The following MOBP variants were observed in gnomAD, a reference collection of about 807,000 sequenced individuals.
The protein encoded by MOBP is myelin-associated oligodendrocyte basic protein.
A neutral mutation model predicts 15.0 loss-of-function variants in MOBP; 5 were observed. That is an observed-to-expected ratio of 0.33 (90% confidence interval 0.17 to 0.70). The LOEUF (loss-of-function observed/expected upper bound fraction) is 0.70, where lower values mean the gene tolerates loss of function less well. MOBP is among the 30% of genes least tolerant of loss of function. MOBP has a pLI of 0.67. For synonymous variants in MOBP, 88 were observed against 99.0 expected (o/e 0.89, Z 0.66); for missense variants, 188 against 257.8 (o/e 0.73, Z 1.85).
intron 2 of MOBP, among the ~76,000 whole-genome samples, chr3:39,493,366 T>A (rs1356875433): frequency 2.0e-5 from 3 of 152,192 alleles, no homozygotes; most frequent in Admixed American, 2.0e-4. Flanking sequence ...TAGAAAAAGA[T>A]ATATTGTGTT....
chr3:39,478,969 A>G (rs1394736171), intron 1 of MOBP, among the ~76,000 whole-genome samples: 1 of 151,948 alleles, frequency 6.6e-6, no homozygotes, highest in Non-Finnish European at 1.5e-5. Flanking sequence ...AGCTGGGATT[A>G]CAGGCGCCTG....
At chr3:39,473,625 T>C in intron 1 of MOBP, among the ~76,000 whole-genome samples, 1 of 152,164 alleles carries the variant, frequency 6.6e-6, no homozygotes, top group Admixed American at 6.5e-5. Context: ...GGGTTCTGGA[T>C]TGGTTGATTT....
At chr3:39,516,964 C>T (rs551867776), downstream of MOBP, among the ~76,000 whole-genome samples, 40 of 152,252 alleles carry the variant, frequency 2.6e-4, 2 homozygotes, top group African/African-American at 9.4e-4. Context: ...CACCAGAGAA[C>T]GTGGAAACTC....
intron 1 of MOBP, among the ~76,000 whole-genome samples, chr3:39,468,721 T>TAC (rs2042381676): frequency 1.4e-5 from 2 of 142,540 alleles, no homozygotes; most frequent in East Asian, 2.0e-4. Context: ...TGTGTGTATA[T>TAC]ACATATATAC....
In MOBP at chr3:39,513,624, T is replaced by A. The variant is rs543613590; in HGVS notation, c.*241T>A. 4.0e-5 allele frequency: 24 copies of A among 600,676 alleles called. No homozygotes were observed. In the African/African-American group the frequency reaches 4.3e-4, roughly 11 times the overall value. 37.2% of individuals were successfully genotyped at this position (600,676 alleles called of 1,614,324 possible). On this transcript the variant is annotated 3_prime_UTR_variant, in exon 5 of 5. Coordinates refer to the MOBP transcript ENST00000311042. ...GCCTGGAGGTGAGCAGGGCTATCTC[T>A]GTGTGTTGTACTCCAGTCAGGGGGT... is the stretch of plus-strand genomic sequence containing the variant.
chr3:39,490,082 A>G (rs1374887192), intron 2 of MOBP, among the ~76,000 whole-genome samples: 2 of 152,110 alleles, frequency 1.3e-5, no homozygotes, highest in African/African-American at 4.8e-5. Context: ...AGATCTCCCC[A>G]CTTATCTTCT....
chr3:39,501,001 T>G (rs1451572663), intron 2 of MOBP, among the ~76,000 whole-genome samples: 1 of 152,232 alleles, frequency 6.6e-6, no homozygotes, highest in South Asian at 2.1e-4. Context: ...TATTTGTAAC[T>G]GCATTCTACC....
At chr3:39,495,666 T>G (rs531465459) in intron 2 of MOBP, among the ~76,000 whole-genome samples, 5 of 149,964 alleles carry the variant, frequency 3.3e-5, no homozygotes, top group African/African-American at 7.4e-5. Context: ...GGCAGGAGGA[T>G]TGCTTGAGCC....
intron 2 of MOBP, among the ~76,000 whole-genome samples, chr3:39,495,693 C>T (rs1034752871): frequency 7.4e-6 from 1 of 135,024 alleles, no homozygotes; most frequent in African/African-American, 2.8e-5. Flanking sequence ...GTTGAGGCTG[C>T]AGTGAACTGT....
chr3:39,480,727 T>C (rs2042616385), intron 2 of MOBP, among the ~76,000 whole-genome samples: 1 of 152,220 alleles, frequency 6.6e-6, no homozygotes, highest in Admixed American at 6.5e-5. Flanking sequence ...GATGGTTTTT[T>C]ACTGGGCTGC....
chr3:39,500,057 C>T (rs1418546889), intron 2 of MOBP: 1 of 456,278 alleles, frequency 2.2e-6, no homozygotes, highest in Non-Finnish European at 4.4e-6. Context: ...GGACATTCCT[C>T]TACCTACAAG....
At chr3:39,484,484 G>A (rs991141366) in intron 2 of MOBP, among the ~76,000 whole-genome samples, 2 of 152,182 alleles carry the variant, frequency 1.3e-5, no homozygotes, top group African/African-American at 2.4e-5. Flanking sequence ...TCTAGAGTCA[G>A]GGCCAGCCAG....
chr3:39,510,900 C>T lies in MOBP; in HGVS notation c.*-2483C>T, dbSNP rs935753543. ...CTCTCTGGCTTATTACAAGGGATTA[C>T]AGCCTGAAGGCCCAAGCCTAATAAC... On this transcript the variant is annotated intron_variant, in intron 4 of 4. Transcript: ENST00000311042. Among the ~76,000 whole-genome samples, 3 of 152,218 alleles carry T rather than the reference C, an allele frequency of 2.0e-5. No individual in the cohort carries two copies. The South Asian group carries it at 6.2e-4, about 31-fold the overall frequency.
intron 2 of MOBP, among the ~76,000 whole-genome samples, chr3:39,494,941 G>A (rs2125647020): frequency 6.6e-6 from 1 of 152,146 alleles, no homozygotes; most frequent in South Asian, 2.1e-4. Flanking sequence ...CAAGAGTCCA[G>A]GCCTGAAACA....
chr3:39,490,762 C>T (rs1258733370), intron 2 of MOBP, among the ~76,000 whole-genome samples: 1 of 152,122 alleles, frequency 6.6e-6, no homozygotes, highest in Non-Finnish European at 1.5e-5. Context: ...GAGGTTTCAC[C>T]ATGTTGGCCA....
chr3:39,472,121 G>A (rs1336091438), intron 1 of MOBP, among the ~76,000 whole-genome samples: 1 of 152,210 alleles, frequency 6.6e-6, no homozygotes, highest in East Asian at 1.9e-4. Flanking sequence ...GAAGTGGCTG[G>A]CAGTTTTATC....
At position 39,510,016 on chromosome 3, in the gene MOBP, T is replaced by G. The variant is rs189487247; in HGVS notation, c.*-3367T>G. 1.1e-4 allele frequency among the ~76,000 whole-genome samples: 16 copies of G among 152,270 alleles called. No homozygotes were observed. In the East Asian group the frequency reaches 2.7e-3, roughly 26 times the overall value. On this transcript the variant is annotated intron_variant, in intron 4 of 4. Transcript: ENST00000311042. ...TAATGGTGTGACGTATGAATTGAGGTTCAATTTTTTTGTATATGGTTTGCA... is the reference window on the plus strand; with the variant it reads ...TAATGGTGTGACGTATGAATTGAGGGTCAATTTTTTTGTATATGGTTTGCA...
At chr3:39,482,794 T>C (rs562266617) in intron 2 of MOBP, among the ~76,000 whole-genome samples, 1 of 152,180 alleles carries the variant, frequency 6.6e-6, no homozygotes, top group South Asian at 2.1e-4. Flanking sequence ...TGATTTCCTC[T>C]CCAGCCCATC....
chr3:39,482,651 CA>C (rs10576821), intron 2 of MOBP, among the ~76,000 whole-genome samples: 32,550 of 80,452 alleles, frequency 0.4, 3,597 homozygotes, highest in African/African-American at 0.44. Context: ...CACTCTGTCT[CA>C]AAAAAAAAAA....
Sources: gnomAD v4.1 joint callset for allele counts (sites outside exome capture counted in the v4.1 genomes callset) on GRCh38, gnomAD v4.1.1 for gene constraint, MANE v1.5 for transcripts, NCBI Gene and HGNC (gene_info 2026-07-23, HGNC 2026-07-21) for gene names.